Variants in SLIT2 observed in about 807,000 individuals in gnomAD.
SLIT2 encodes the protein slit homolog 2 protein.
In SLIT2, 41 loss-of-function variants were observed where a neutral mutation model predicts 185.7. The ratio of observed to expected loss-of-function variants is 0.22; its 90% CI spans 0.17 to 0.29. The LOEUF is 0.29. SLIT2 is among the 10% of genes least tolerant of loss of function. The probability of loss-of-function intolerance (pLI) is 1.00; values close to 1 mark genes in which losing one functional copy is unlikely to be tolerated. For missense variants in SLIT2, 1,571 were observed against 1,909.0 expected (o/e 0.82, Z 3.30); for synonymous variants, 693 against 680.2 (o/e 1.02, Z -0.29).
At chr4:20,473,036 G>A (rs1264015639) in intron 5 of SLIT2, among the ~76,000 whole-genome samples, 3 of 151,696 alleles carry the variant, frequency 2.0e-5, no homozygotes, top group Non-Finnish European at 4.4e-5. Flanking sequence ...TTTTTAGTGA[G>A]TTCAATATGA....
intron 4 of SLIT2, among the ~76,000 whole-genome samples, chr4:20,403,012 A>G (rs1726480272): frequency 6.6e-6 from 1 of 151,852 alleles, no homozygotes; most frequent in African/African-American, 2.4e-5. Context: ...ATCATATCAA[A>G]TTACATTTAT....
At chr4:20,558,194 T>A (rs1724417399) in intron 26 of SLIT2, among the ~76,000 whole-genome samples, 1 of 152,006 alleles carries the variant, frequency 6.6e-6, no homozygotes, top group Non-Finnish European at 1.5e-5. Flanking sequence ...TTTGAAAAAA[T>A]GTTCTACTGT....
Position 20,453,003 on chromosome 4 carries a change from TATG to T in SLIT2, c.396-14746_396-14744del, listed in dbSNP as rs1290950175. 2.6e-5 allele frequency among the ~76,000 whole-genome samples: 4 copies of T among 152,346 alleles called. No individual in the cohort carries two copies. The East Asian group carries it at 7.7e-4, about 29-fold the overall frequency. Reference sequence around the variant, plus strand: ...TCTCTTTTACATACAGTTCAGAAATTATGATATCATGAAAATGTGACTTCAGTT... The same window carrying T: ...TCTCTTTTACATACAGTTCAGAAATTATATCATGAAAATGTGACTTCAGTT... On this transcript the variant is annotated intron_variant, in intron 4 of 36. Coordinates refer to ENST00000504154, the MANE Select transcript of SLIT2 (RefSeq NM_004787.4).
At chr4:20,293,025 G>A (rs1408078102) in intron 4 of SLIT2, among the ~76,000 whole-genome samples, 4 of 152,138 alleles carry the variant, frequency 2.6e-5, no homozygotes, top group African/African-American at 9.7e-5. Flanking sequence ...AGTTTCCAAA[G>A]GGATGAGAGG....
chr4:20,549,266 T>C (rs775937099), intron 24 of SLIT2, 138 bp downstream of exon 24: 3 of 562,988 alleles, frequency 5.3e-6, no homozygotes, highest in South Asian at 2.4e-5. Flanking sequence ...AATTAGGAAA[T>C]AGAAAAATCA....
chr4:20,309,825 T>G (rs932440998), intron 4 of SLIT2, among the ~76,000 whole-genome samples: 2 of 149,558 alleles, frequency 1.3e-5, no homozygotes, highest in African/African-American at 4.9e-5. Flanking sequence ...AGTGGCGTTA[T>G]CTCGGCTCAC....
chr4:20,372,047 G>A (rs763660308), intron 4 of SLIT2, among the ~76,000 whole-genome samples: 1 of 152,082 alleles, frequency 6.6e-6, no homozygotes, highest in Non-Finnish European at 1.5e-5. Context: ...TGCTTCAAGT[G>A]GATGAGAGGG....
chr4:20,269,214 A>G (rs1326439281), intron 4 of SLIT2, among the ~76,000 whole-genome samples: 1 of 151,884 alleles, frequency 6.6e-6, no homozygotes, highest in African/African-American at 2.4e-5. Context: ...TTTCCTCTTA[A>G]GAGGAAGTTG....
At chr4:20,592,203 T>G (rs1001172288) in intron 30 of SLIT2, among the ~76,000 whole-genome samples, 12 of 152,216 alleles carry the variant, frequency 7.9e-5, no homozygotes, top group African/African-American at 2.9e-4. Context: ...TTCATTTTCT[T>G]ATTACTAAGC....
At chr4:20,475,318 T>G (rs1435899303) in intron 5 of SLIT2, among the ~76,000 whole-genome samples, 5 of 35,868 alleles carry the variant, frequency 1.4e-4, no homozygotes, top group Non-Finnish European at 2.6e-4. Flanking sequence ...AGGTTTTGGT[T>G]TTTTTTTTTT....
intron 4 of SLIT2, among the ~76,000 whole-genome samples, chr4:20,338,335 T>A (rs554810455): frequency 6.6e-6 from 1 of 152,296 alleles, no homozygotes; most frequent in African/African-American, 2.4e-5. Flanking sequence ...AATGACTTCT[T>A]TTTTGATGGC....
chr4:20,316,101 T>C (rs1718554590), intron 4 of SLIT2, among the ~76,000 whole-genome samples: 1 of 152,092 alleles, frequency 6.6e-6, no homozygotes. Flanking sequence ...AAGAACTTTA[T>C]GCATTCATTC....
chr4:20,515,872 A>C (rs1378702013), intron 11 of SLIT2, among the ~76,000 whole-genome samples: 1 of 152,122 alleles, frequency 6.6e-6, no homozygotes, highest in African/African-American at 2.4e-5. Context: ...CTGGAGTACA[A>C]TGGCGCAATC....
intron 4 of SLIT2, among the ~76,000 whole-genome samples, chr4:20,467,026 A>G (rs977530773): frequency 2.0e-4 from 31 of 152,266 alleles, no homozygotes; most frequent in South Asian, 1.5e-3. Flanking sequence ...ATAATGATCC[A>G]TTTCATGAGA....
chr4:20,472,385 T>TATTTCTATATATATA (rs1560453709), intron 5 of SLIT2, among the ~76,000 whole-genome samples: 1 of 39,262 alleles, frequency 2.5e-5, no homozygotes. Context: ...TCTATATATA[T>TATTTCTATATATATA]GTAGATATAT....
chr4:20,581,072 A>G (rs1363156786), intron 29 of SLIT2, among the ~76,000 whole-genome samples: 6 of 152,222 alleles, frequency 3.9e-5, no homozygotes, highest in African/African-American at 1.2e-4. Context: ...CTGCCATAAC[A>G]AATTACTGCA....
chr4:20,521,162 C>T (rs1720806398), intron 12 of SLIT2, among the ~76,000 whole-genome samples: 1 of 152,146 alleles, frequency 6.6e-6, no homozygotes, highest in South Asian at 2.1e-4. Flanking sequence ...TCTTTCCATC[C>T]ACACTTATTG....
At position 20,395,903 on chromosome 4, in the gene SLIT2, C is replaced by T. The variant is rs190715920; in HGVS notation, c.396-71849C>T. ...ATGTGATGCTGACATTTTTGAGAGA[C>T]CTTAGACAATGATTTTTATTTACTA... On this transcript the variant is annotated intron_variant, in intron 4 of 36. Coordinates refer to ENST00000504154, the MANE Select transcript of SLIT2 (RefSeq NM_004787.4). Among the ~76,000 whole-genome samples, 9 of 151,522 alleles carry T rather than the reference C, an allele frequency of 5.9e-5. No individual in the cohort carries two copies. In the East Asian group the frequency reaches 1.7e-3, roughly 29 times the overall value.
intron 4 of SLIT2, among the ~76,000 whole-genome samples, chr4:20,361,570 G>C (rs1400240784): frequency 1.3e-5 from 2 of 152,058 alleles, no homozygotes; most frequent in Non-Finnish European, 2.9e-5. Context: ...TCAATTAAAA[G>C]TAATGGCAAA....
Sources: gnomAD v4.1 joint callset for allele counts (sites outside exome capture counted in the v4.1 genomes callset) on GRCh38, gnomAD v4.1.1 for gene constraint, MANE v1.5 for transcripts, NCBI Gene and HGNC (gene_info 2026-07-23, HGNC 2026-07-21) for gene names.